Variants in CCDC171 observed in about 807,000 individuals in gnomAD.
CCDC171 encodes coiled-coil domain-containing protein 171.
CCDC171 carries 177 observed loss-of-function variants against 168.2 expected under a neutral mutation model. The observed-to-expected ratio is 1.05, with a 90% CI of 0.93 to 1.19. The LOEUF (loss-of-function observed/expected upper bound fraction) is 1.19, where lower values mean the gene tolerates loss of function less well. Among genes scored for constraint, CCDC171 ranks in the 50% most tolerant of loss-of-function variants. The pLI is 0.00. For synonymous variants in CCDC171, 687 were observed against 540.8 expected (o/e 1.27, Z -3.75); for missense variants, 1,991 against 1,539.0 (o/e 1.29, Z -4.91).
chr9:15,649,744 A>G (rs192957074), intron 7 of CCDC171, among the ~76,000 whole-genome samples: 4 of 152,192 alleles, frequency 2.6e-5, no homozygotes, highest in Non-Finnish European at 5.9e-5. Context: ...AAAAGTCAGG[A>G]AACAACAGGT....
intron 6 of CCDC171, among the ~76,000 whole-genome samples, chr9:16,026,536 T>C (rs1400815229): frequency 6.6e-6 from 1 of 152,086 alleles, no homozygotes; most frequent in African/African-American, 2.4e-5. Flanking sequence ...TTTAACCTAT[T>C]CTTGGACCTT....
intron 2 of CCDC171, among the ~76,000 whole-genome samples, chr9:15,569,569 A>G (rs966407990): frequency 1.4e-4 from 22 of 151,844 alleles, no homozygotes; most frequent in Admixed American, 2.6e-4. Flanking sequence ...TAATCCCAGC[A>G]CTTTGGGAGG....
Position 15,717,577 on chromosome 9 carries a change from C to G in CCDC171, c.1319-4192C>G, listed in dbSNP as rs2053172762. Among the ~76,000 whole-genome samples the G allele has an allele frequency of 3.3e-5, 5 of 152,316 alleles. No homozygotes were observed. The South Asian group carries it at 1.0e-3, about 32-fold the overall frequency. The stretch of plus-strand genomic sequence containing the variant: ...CAGCTCACAGCTCTGAAAGAGACCC[C>G]TTCTTTCTGCTTAAGAGGTGAGGGA... On this transcript the variant is annotated intron_variant, in intron 11 of 25. Transcript: ENST00000380701.
intron 9 of CCDC171, among the ~76,000 whole-genome samples, chr9:15,669,428 TG>T (rs1396796355): frequency 1.5e-4 from 23 of 152,204 alleles, no homozygotes; most frequent in African/African-American, 5.5e-4. Context: ...TCAGGGTAAT[TG>T]GGCTATCCAT....
chr9:15,678,023 C>T (rs2049760878), intron 9 of CCDC171, among the ~76,000 whole-genome samples: 1 of 148,390 alleles, frequency 6.7e-6, no homozygotes, highest in Non-Finnish European at 1.5e-5. Context: ...AATCCTCCTG[C>T]CTCAGCCTCC....
At chr9:15,934,853 AC>A (rs1258590197) in intron 25 of CCDC171, among the ~76,000 whole-genome samples, 1 of 152,102 alleles carries the variant, frequency 6.6e-6, no homozygotes, top group East Asian at 1.9e-4. Context: ...GATACGTGTT[AC>A]AACATGGATG....
intron 18 of CCDC171, among the ~76,000 whole-genome samples, chr9:15,764,501 AAGAT>A (rs1454222716): frequency 3.9e-5 from 6 of 152,186 alleles, no homozygotes; most frequent in African/African-American, 1.2e-4. Flanking sequence ...GTGTGAAAGA[AAGAT>A]AGGAATCAAG....
At chr9:15,608,285 A>G (rs1396494647) in intron 6 of CCDC171, among the ~76,000 whole-genome samples, 1 of 152,210 alleles carries the variant, frequency 6.6e-6, no homozygotes, top group Non-Finnish European at 1.5e-5. Context: ...CATTCAAACC[A>G]TAACACTGAC....
rs557510914 is a variant in CCDC171 at position 15,986,367 on chromosome 9, A to G, written n.369-34222A>G. ...AGATGCAGGACCATGTCTGTCTGCA[A>G]TCACCTTCAGAAAGGCTGTCTTGCT... On this transcript the variant is annotated intron_variant and non_coding_transcript_variant, in intron 3 of 9. Transcript: ENST00000486641. Among the ~76,000 whole-genome samples, 19 of 152,322 alleles carry G rather than the reference A, an allele frequency of 1.2e-4. 1 individual carries two copies. The South Asian group carries it at 2.9e-3, about 23-fold the overall frequency.
chr9:15,676,497 T>C (rs1564190866), intron 9 of CCDC171, among the ~76,000 whole-genome samples: 2 of 152,044 alleles, frequency 1.3e-5, no homozygotes, highest in Non-Finnish European at 2.9e-5. Context: ...AGCTGCAGAC[T>C]GGAGCTGTTC....
chr9:15,630,957 T>C (rs1290679138), intron 7 of CCDC171, among the ~76,000 whole-genome samples: 1 of 152,118 alleles, frequency 6.6e-6, no homozygotes, highest in African/African-American at 2.4e-5. Context: ...GAAATAAAGA[T>C]GTTCTTTGAA....
intron 6 of CCDC171, among the ~76,000 whole-genome samples, chr9:15,596,734 G>A (rs2042394353): frequency 1.3e-5 from 2 of 151,626 alleles, no homozygotes; most frequent in African/African-American, 4.9e-5. Flanking sequence ...ATTACCTTGG[G>A]CAGTATGGCC....
chr9:15,802,664 G>C (rs1000406911), intron 21 of CCDC171, among the ~76,000 whole-genome samples: 2 of 152,078 alleles, frequency 1.3e-5, no homozygotes, highest in Admixed American at 6.6e-5. Flanking sequence ...TCACTGATGG[G>C]CATTTGGGTT....
At chr9:15,891,733 A>G (rs1563949779) in intron 24 of CCDC171, among the ~76,000 whole-genome samples, 2 of 152,218 alleles carry the variant, frequency 1.3e-5, no homozygotes, top group African/African-American at 4.8e-5. Context: ...ATAAGTATGT[A>G]TGGAACTCCT....
intron 3 of CCDC171, among the ~76,000 whole-genome samples, chr9:15,985,537 C>T (rs778738034): frequency 6.6e-6 from 1 of 152,138 alleles, no homozygotes; most frequent in Admixed American, 6.5e-5. Context: ...TATTGTTACA[C>T]TACCTTACAG....
intron 25 of CCDC171, among the ~76,000 whole-genome samples, chr9:15,930,506 G>T (rs2987065): frequency 0.84 from 127,060 of 151,432 alleles, 53,363 homozygotes; most frequent in East Asian, 0.96. Context: ...CCTACCTCTG[G>T]GTGTTTATGT....
the CCDC171 span, among the ~76,000 whole-genome samples, chr9:16,096,383 G>A: frequency 1.3e-5 from 2 of 152,188 alleles, no homozygotes; most frequent in Non-Finnish European, 2.9e-5. Context: ...ATTTCCAGCT[G>A]TTTAGATGGG....
At chr9:15,660,428 A>G (rs550597534) in intron 8 of CCDC171, among the ~76,000 whole-genome samples, 2 of 152,268 alleles carry the variant, frequency 1.3e-5, no homozygotes, top group East Asian at 3.9e-4. Context: ...CCAGGTATTC[A>G]GCATAGCACC....
chr9:15,901,753 G>C (rs7035363), intron 24 of CCDC171, among the ~76,000 whole-genome samples: 11 of 152,168 alleles, frequency 7.2e-5, no homozygotes, highest in Non-Finnish European at 1.5e-4. Context: ...TCAAGGAAGA[G>C]TGGAAGGCTT....
Sources: allele counts gnomAD v4.1 joint callset (sites outside exome capture counted in the v4.1 genomes callset), GRCh38; gene constraint gnomAD v4.1.1; transcripts MANE v1.5; gene names NCBI Gene and HGNC (gene_info 2026-07-23, HGNC 2026-07-21).